The following ZBTB20 variants were observed in gnomAD, a reference collection of about 807,000 sequenced individuals.
The protein encoded by ZBTB20 is zinc finger and BTB domain-containing protein 20.
A neutral mutation model predicts 56.9 loss-of-function variants in ZBTB20; 9 were observed. The ratio of observed to expected loss-of-function variants is 0.16; its 90% CI spans 0.10 to 0.28. The LOEUF is 0.28. ZBTB20 is among the 10% of genes least tolerant of loss of function. The pLI, the probability that ZBTB20 is intolerant of heterozygous loss-of-function variation, is 1.00. For synonymous variants in ZBTB20, 417 were observed against 420.7 expected (o/e 0.99, Z 0.11); for missense variants, 655 against 1,003.0 (o/e 0.65, Z 4.69).
Position 114,468,097 on chromosome 3 carries a change from C to T in ZBTB20, c.-255+32255G>A, listed in dbSNP as rs370361948. Among the ~76,000 whole-genome samples the T allele has an allele frequency of 1.1e-4, 17 of 152,202 alleles. 2 individuals are homozygous for T. The highest frequency in any genetic ancestry group is 3.9e-4 in the African/African-American group (16 of 41,532). On this transcript the variant is annotated intron_variant, in intron 7 of 11. Coordinates refer to ENST00000675478, the MANE Select transcript of ZBTB20 (RefSeq NM_001348800.3). Reference sequence around the variant, plus strand: ...AAGTTTTGAATATTTTTTTATGTCACCAAAAGGTGCTTTAGAAGAACAAAC... The same window carrying T: ...AAGTTTTGAATATTTTTTTATGTCATCAAAAGGTGCTTTAGAAGAACAAAC...
At chr3:114,533,044 T>C (rs1325621423) in intron 6 of ZBTB20, among the ~76,000 whole-genome samples, 1 of 151,818 alleles carries the variant, frequency 6.6e-6, no homozygotes, top group Non-Finnish European at 1.5e-5. Flanking sequence ...AAAACCAGCT[T>C]AAAAAGGCTG....
chr3:114,530,919 C>T (rs905410440), intron 6 of ZBTB20, among the ~76,000 whole-genome samples: 1 of 152,144 alleles, frequency 6.6e-6, no homozygotes, highest in African/African-American at 2.4e-5. Context: ...TCCTCTTTCT[C>T]ATCTATTCTT....
chr3:114,777,032 T>C (rs1361987774), intron 5 of ZBTB20, among the ~76,000 whole-genome samples: 1 of 151,046 alleles, frequency 6.6e-6, no homozygotes, highest in Non-Finnish European at 1.5e-5. Context: ...ATCAGTATCA[T>C]TAACTTTAGT....
rs1416944573 is a variant in ZBTB20, at chr3:114,726,447, A to T, written c.-342-32872T>A. 2.0e-5 allele frequency among the ~76,000 whole-genome samples: 3 copies of T among 152,300 alleles called. 1 individual carries two copies. On this transcript the variant is annotated intron_variant, in intron 5 of 11. Coordinates refer to ENST00000675478, the MANE Select transcript of ZBTB20 (RefSeq NM_001348800.3). ...ATCTCTTTAGATCAGTGGTTCTCAAATTTTAGTATGCATCAGAATTACCTG... is the reference window on the plus strand; with the variant it reads ...ATCTCTTTAGATCAGTGGTTCTCAATTTTTAGTATGCATCAGAATTACCTG...
chr3:114,357,039 C>G (rs1307898340), intron 10 of ZBTB20: 2 of 152,208 alleles, frequency 1.3e-5, no homozygotes, highest in Non-Finnish European at 2.9e-5. Flanking sequence ...GCTATTACCT[C>G]TGTAGTGAGA....
chr3:114,665,446 C>T (rs2060993163), intron 6 of ZBTB20, among the ~76,000 whole-genome samples: 1 of 151,978 alleles, frequency 6.6e-6, no homozygotes, highest in Non-Finnish European at 1.5e-5. Flanking sequence ...ATTGTATCCC[C>T]ATCATCAAGT....
intron 1 of ZBTB20, among the ~76,000 whole-genome samples, chr3:115,103,537 A>T (rs139940117): frequency 1.3e-3 from 203 of 152,336 alleles, no homozygotes; most frequent in African/African-American, 4.2e-3. Flanking sequence ...ACAGCCCAGG[A>T]GAAGGCCCAC....
chr3:114,753,363 T>C (rs369939743), intron 5 of ZBTB20, among the ~76,000 whole-genome samples: 28,368 of 97,354 alleles, frequency 0.29, 13,199 homozygotes, highest in Admixed American at 0.49. Context: ...TTATATATAA[T>C]GTATATATAA....
chr3:114,356,602 G>T (rs1269738497), intron 10 of ZBTB20, among the ~76,000 whole-genome samples: 2 of 144,998 alleles, frequency 1.4e-5, no homozygotes, highest in Admixed American at 7.1e-5. Context: ...TCAATTTGGG[G>T]CACCAGATGA....
chr3:114,778,247 A>T (rs1244910781), intron 5 of ZBTB20, among the ~76,000 whole-genome samples: 1 of 65,720 alleles, frequency 1.5e-5, no homozygotes, highest in Admixed American at 1.4e-4. Flanking sequence ...AAGTATGTTA[A>T]TAATAATAAT....
chr3:114,466,295 T>A (rs1401117786), intron 7 of ZBTB20, among the ~76,000 whole-genome samples: 4 of 152,206 alleles, frequency 2.6e-5, no homozygotes, highest in Non-Finnish European at 4.4e-5. Context: ...TTTGTTCTCA[T>A]AACATCTAAG....
chr3:114,655,294 A>G (rs1246732898), intron 6 of ZBTB20, among the ~76,000 whole-genome samples: 1 of 117,932 alleles, frequency 8.5e-6, no homozygotes, highest in Non-Finnish European at 1.6e-5. Context: ...CGCCCAGGCC[A>G]GACTGCGGAC....
intron 7 of ZBTB20, among the ~76,000 whole-genome samples, chr3:114,442,506 A>G (rs1366156672): frequency 6.6e-6 from 1 of 152,192 alleles, no homozygotes; most frequent in Non-Finnish European, 1.5e-5. Flanking sequence ...AGAAATCTGC[A>G]AAACTTTCTT....
At chr3:115,096,661 T>C (rs1355300524) in intron 1 of ZBTB20, among the ~76,000 whole-genome samples, 1 of 152,164 alleles carries the variant, frequency 6.6e-6, no homozygotes, top group Non-Finnish European at 1.5e-5. Flanking sequence ...TTGCCAGATG[T>C]TGGGGTAACA....
Position 114,339,102 on chromosome 3 carries a change from G to A in ZBTB20, c.2129C>T (p.Thr710Met). The A allele has an allele frequency of 1.2e-6, 2 of 1,603,662 alleles. No individual in the cohort carries two copies. The highest frequency in any genetic ancestry group is 2.2e-5 in the East Asian group (1 of 44,828). ...RAGPPGVVAC[T>M]EGTTYVCSVC... ...GGAGCAGACGTAAGTGGTCCCCTCC[G>A]TGCAGGCCACCACGCCTGGGGGGCC... Residue 710 changes from threonine (T) to methionine (M), a missense_variant, in exon 12 of 12, where the codon ACG becomes ATG. This residue lies in a region of ZBTB20 where 89 missense variants were observed against 79.7 expected (regional missense o/e 1.12). Transcript: ENST00000675478. This position sits in a 1 kb window ranked among gnomAD's most constrained non-coding sequence, Gnocchi z 4.2.
rs1306194148 is a variant in ZBTB20 at position 114,319,142 on chromosome 3, C to T, written c.*19863G>A. On this transcript the variant is annotated 3_prime_UTR_variant, in exon 12 of 12. Transcript: ENST00000675478. The stretch of plus-strand genomic sequence containing the variant: ...AGCATATCCTTAAGGGCAAACTTTT[C>T]GATTAGTTTTTTTCTTTTTTTTTTT... The T allele has an allele frequency of 1.3e-5, 2 of 150,454 alleles. No individual in the cohort carries two copies. The allele number at this position is 150,454 out of a possible 1,614,324, so 9.3% of individuals were successfully genotyped here.
intron 6 of ZBTB20, among the ~76,000 whole-genome samples, chr3:114,648,623 C>A (rs1409884111): frequency 6.6e-6 from 1 of 151,908 alleles, no homozygotes; most frequent in Non-Finnish European, 1.5e-5. Flanking sequence ...ATAAATTGTA[C>A]ATAAAAATCT....
intron 5 of ZBTB20, among the ~76,000 whole-genome samples, chr3:114,757,364 T>C (rs1448398548): frequency 6.6e-6 from 1 of 152,220 alleles, no homozygotes; most frequent in Non-Finnish European, 1.5e-5. Context: ...TAATAAGATA[T>C]ACTTAGCAAA....
intron 2 of ZBTB20, among the ~76,000 whole-genome samples, chr3:114,985,004 T>C (rs2078477029): frequency 6.6e-6 from 1 of 152,028 alleles, no homozygotes; most frequent in Admixed American, 6.6e-5. Flanking sequence ...AGTCCTCAAC[T>C]CAAATGGCAC....
Sources: gnomAD v4.1 joint callset for allele counts (sites outside exome capture counted in the v4.1 genomes callset) on GRCh38, gnomAD v4.1.1 for gene constraint, gnomAD v4.1.1 regional missense constraint, Gnocchi (gnomAD v3.1) non-coding constraint, MANE v1.5 for transcripts, NCBI Gene and HGNC (gene_info 2026-07-23, HGNC 2026-07-21) for gene names.